The following HTR1F variants were observed in gnomAD, a reference collection of about 807,000 sequenced individuals.
HTR1F encodes 5-hydroxytryptamine (serotonin) receptor 1F, G protein-coupled.
In HTR1F, 17 loss-of-function variants were observed where a neutral mutation model predicts 24.0. The observed-to-expected ratio is 0.71, with a 90% CI of 0.48 to 1.06. HTR1F has a LOEUF of 1.06. Among genes scored for constraint, HTR1F ranks in the 50% least tolerant of loss-of-function variants. HTR1F has a pLI of 0.00. For missense variants in HTR1F, 391 were observed against 427.8 expected, an observed-to-expected ratio of 0.91 and a Z score of 0.76; for synonymous variants, 186 against 156.8, an observed-to-expected ratio of 1.19 and a Z score of -1.39.
intron 1 of HTR1F, among the ~76,000 whole-genome samples, chr3:87,813,719 G>A (rs148812581): frequency 3.0e-4 from 46 of 152,260 alleles, no homozygotes; most frequent in African/African-American, 1.0e-3. Flanking sequence ...GGAGGTGATT[G>A]GATTATGGGG....
intron 2 of HTR1F, among the ~76,000 whole-genome samples, chr3:87,971,432 G>C (rs1385941139): frequency 6.6e-6 from 1 of 151,944 alleles, no homozygotes; most frequent in Non-Finnish European, 1.5e-5. Flanking sequence ...GCTGGGGAGT[G>C]CCTGTAATCT....
At chr3:87,827,921 A>G (rs1044943366) in intron 2 of HTR1F, among the ~76,000 whole-genome samples, 1 of 152,104 alleles carries the variant, frequency 6.6e-6, no homozygotes, top group African/African-American at 2.4e-5. Flanking sequence ...GGGGTAACTT[A>G]ATGAACTTCT....
chr3:87,929,305 C>A (rs1239488180), intron 2 of HTR1F, among the ~76,000 whole-genome samples: 1 of 152,178 alleles, frequency 6.6e-6, no homozygotes, highest in Non-Finnish European at 1.5e-5. Flanking sequence ...GGCAGAGCCT[C>A]TTTCCGTTGC....
At chr3:87,961,110 T>C (rs1237414480) in intron 2 of HTR1F, among the ~76,000 whole-genome samples, 1 of 151,918 alleles carries the variant, frequency 6.6e-6, no homozygotes, top group Non-Finnish European at 1.5e-5. Context: ...GAAAGTAAAA[T>C]ACTGAAGTTT....
chr3:87,944,691 G>A (rs545079404), intron 2 of HTR1F, among the ~76,000 whole-genome samples: 1 of 152,200 alleles, frequency 6.6e-6, no homozygotes. Context: ...AGCTATCTTT[G>A]TGCTTTTTTT....
At chr3:87,883,716 A>G (rs1377179490) in intron 2 of HTR1F, among the ~76,000 whole-genome samples, 1 of 152,230 alleles carries the variant, frequency 6.6e-6, no homozygotes, top group Non-Finnish European at 1.5e-5. Flanking sequence ...TCAGTAGCCA[A>G]TTCGATCAAG....
intron 2 of HTR1F, among the ~76,000 whole-genome samples, chr3:87,915,632 A>G (rs1188222561): frequency 6.6e-6 from 1 of 152,162 alleles, no homozygotes; most frequent in Non-Finnish European, 1.5e-5. Flanking sequence ...AAGGCCTTTG[A>G]ATTAAACCAA....
At chr3:87,849,179 G>T (rs1055402300) in intron 2 of HTR1F, among the ~76,000 whole-genome samples, 49 of 151,874 alleles carry the variant, frequency 3.2e-4, no homozygotes, top group East Asian at 2.3e-3. Flanking sequence ...AACAAAGCTG[G>T]AGGCATCACA....
chr3:87,803,861 G>A (rs1293220461), intron 1 of HTR1F, among the ~76,000 whole-genome samples: 2 of 152,158 alleles, frequency 1.3e-5, no homozygotes, highest in East Asian at 1.9e-4. Flanking sequence ...TTTATTACAC[G>A]TTATCTTCAA....
intron 2 of HTR1F, among the ~76,000 whole-genome samples, chr3:87,882,753 C>T (rs1181364846): frequency 3.3e-5 from 5 of 151,432 alleles, no homozygotes; most frequent in Admixed American, 6.6e-5. Flanking sequence ...ATACCTAATG[C>T]TAGATGACAA....
chr3:87,956,914 G>A (rs1005223119), intron 2 of HTR1F, among the ~76,000 whole-genome samples: 1 of 151,084 alleles, frequency 6.6e-6, no homozygotes, highest in African/African-American at 2.4e-5. Flanking sequence ...TTTCCAAATG[G>A]AGACAGTGTT....
chr3:87,931,426 ATTTTCT>A (rs1049308196), intron 2 of HTR1F, among the ~76,000 whole-genome samples: 3 of 152,040 alleles, frequency 2.0e-5, no homozygotes, highest in African/African-American at 7.2e-5. Flanking sequence ...TATGTGCCAC[ATTTTCT>A]TAATCCAGTC....
chr3:87,887,739 T>A (rs1705985035), intron 2 of HTR1F, among the ~76,000 whole-genome samples: 1 of 152,204 alleles, frequency 6.6e-6, no homozygotes. Context: ...TCACTGGTCA[T>A]CAGAGAAATG....
At chr3:87,856,709 T>A (rs1458196590) in intron 2 of HTR1F, among the ~76,000 whole-genome samples, 2 of 152,138 alleles carry the variant, frequency 1.3e-5, no homozygotes, top group African/African-American at 2.4e-5. Flanking sequence ...TAGAAAAATT[T>A]TTCAGAATAT....
rs55879630 is a variant in HTR1F, at chr3:87,935,900, G to C, written c.-42-54808G>C. Among the ~76,000 whole-genome samples the C allele has an allele frequency of 3.3e-5, 5 of 151,920 alleles. No homozygotes were observed. In the East Asian group the frequency reaches 9.6e-4, roughly 29 times the overall value. On this transcript the variant is annotated intron_variant, in intron 2 of 2. Coordinates refer to ENST00000319595, the MANE Select transcript of HTR1F (RefSeq NM_001322209.2). Reference sequence around the variant, plus strand: ...GAGTCTCGCTCTGTCACCCAGGCTGGAGTGCAGTGGCATGATCTCGGCTCA... The same window carrying C: ...GAGTCTCGCTCTGTCACCCAGGCTGCAGTGCAGTGGCATGATCTCGGCTCA...
At chr3:87,951,946 C>T (rs1704843467) in intron 2 of HTR1F, among the ~76,000 whole-genome samples, 1 of 151,984 alleles carries the variant, frequency 6.6e-6, no homozygotes, top group Non-Finnish European at 1.5e-5. Context: ...GGATTGGCTT[C>T]TTTCATTTAG....
intron 1 of HTR1F, among the ~76,000 whole-genome samples, chr3:87,795,092 A>G (rs145061120): frequency 0.011 from 1,601 of 141,528 alleles, 21 homozygotes; most frequent in African/African-American, 0.04. Context: ...GGTTCAAGCG[A>G]TTCTCCTGCC....
intron 2 of HTR1F, among the ~76,000 whole-genome samples, chr3:87,881,869 T>C (rs1436250857): frequency 1.3e-5 from 2 of 152,080 alleles, no homozygotes; most frequent in African/African-American, 2.4e-5. Flanking sequence ...GGGATCTAAT[T>C]AAACTAAAGA....
intron 2 of HTR1F, among the ~76,000 whole-genome samples, chr3:87,890,441 C>T (rs1706053576): frequency 1.3e-5 from 2 of 151,162 alleles, no homozygotes; most frequent in Non-Finnish European, 2.9e-5. Flanking sequence ...GTTTAGTAAA[C>T]AATTGCAAAA....
Sources: gnomAD v4.1 joint callset for allele counts (sites outside exome capture counted in the v4.1 genomes callset) on GRCh38, gnomAD v4.1.1 for gene constraint, MANE v1.5 for transcripts, NCBI Gene and HGNC (gene_info 2026-07-23, HGNC 2026-07-21) for gene names.